Variants in RFX3 observed in about 807,000 individuals in gnomAD.
The protein encoded by RFX3 is transcription factor RFX3.
Under a neutral mutation model 98.6 loss-of-function variants are expected in RFX3, and 14 were observed. That is an observed-to-expected ratio of 0.14 (90% confidence interval 0.09 to 0.22). RFX3 has a LOEUF of 0.22. Ranked by LOEUF, RFX3 falls within the 10% of genes least tolerant of loss-of-function variation. The pLI is 1.00. For synonymous variants in RFX3, 383 were observed against 328.4 expected, an observed-to-expected ratio of 1.17 and a Z score of -1.80; for missense variants, 639 against 926.9, an observed-to-expected ratio of 0.69 and a Z score of 4.03.
At position 3,517,423 on chromosome 9, in the gene RFX3, C is replaced by A. The variant is rs550353171; in HGVS notation, c.-9+8324G>T. Among the ~76,000 whole-genome samples the A allele has an allele frequency of 1.8e-4, 28 of 152,318 alleles. No homozygotes were observed. In the South Asian group the frequency reaches 5.6e-3, roughly 30 times the overall value. ...CACTGTATCTGTCTCCTCTTACCAA[C>A]TAACACACTATTATTTTGAGGACAG... On this transcript the variant is annotated intron_variant, in intron 1 of 16. Transcript: ENST00000617270.
At chr9:3,327,697 T>C (rs1325413272) in intron 4 of RFX3, among the ~76,000 whole-genome samples, 1 of 152,122 alleles carries the variant, frequency 6.6e-6, no homozygotes, top group Non-Finnish European at 1.5e-5. Flanking sequence ...ATAAAATTAA[T>C]ATGTACAACT....
chr9:3,317,061 G>A (rs2130646659), intron 4 of RFX3, among the ~76,000 whole-genome samples: 1 of 152,214 alleles, frequency 6.6e-6, no homozygotes, highest in African/African-American at 2.4e-5. Flanking sequence ...GCATTGCCCA[G>A]ACAATCCTAA....
chr9:3,320,503 G>C (rs1474062848), intron 4 of RFX3, among the ~76,000 whole-genome samples: 1 of 150,206 alleles, frequency 6.7e-6, no homozygotes, highest in Admixed American at 6.6e-5. Context: ...AGTGAGCCGA[G>C]ATCAAACCAC....
chr9:3,252,544 G>C (rs1293358344), intron 14 of RFX3, among the ~76,000 whole-genome samples: 1 of 152,178 alleles, frequency 6.6e-6, no homozygotes, highest in African/African-American at 2.4e-5. Flanking sequence ...GAGAGCAAAT[G>C]AAAGAGCTTG....
chr9:3,463,091 T>C (rs1214194565), intron 1 of RFX3, among the ~76,000 whole-genome samples: 1 of 152,022 alleles, frequency 6.6e-6, no homozygotes, highest in Non-Finnish European at 1.5e-5. Flanking sequence ...CAAAACACTT[T>C]TGAAACACAA....
chr9:3,497,006 A>G (rs962895118), intron 1 of RFX3, among the ~76,000 whole-genome samples: 3 of 152,018 alleles, frequency 2.0e-5, no homozygotes, highest in African/African-American at 7.2e-5. Context: ...TCTACATTCA[A>G]GATTAGTTGC....
chr9:3,456,164 C>T (rs1847132679), intron 1 of RFX3, among the ~76,000 whole-genome samples: 1 of 152,160 alleles, frequency 6.6e-6, no homozygotes, highest in Admixed American at 6.5e-5. Flanking sequence ...ATGACCAATC[C>T]CATGCTCGAA....
At chr9:3,489,728 C>G (rs1027968909) in intron 1 of RFX3, among the ~76,000 whole-genome samples, 2 of 152,136 alleles carry the variant, frequency 1.3e-5, no homozygotes, top group African/African-American at 4.8e-5. Flanking sequence ...CCATACATCA[C>G]ACAGGGTCAC....
At chr9:3,231,288 G>C (rs1444194086) in intron 15 of RFX3, among the ~76,000 whole-genome samples, 3 of 152,122 alleles carry the variant, frequency 2.0e-5, no homozygotes, top group Non-Finnish European at 4.4e-5. Context: ...TAGAGCTGAA[G>C]GTAAAGGCTT....
intron 4 of RFX3, among the ~76,000 whole-genome samples, chr9:3,328,277 TTCTA>T (rs1417307471): frequency 6.6e-6 from 1 of 152,198 alleles, no homozygotes; most frequent in African/African-American, 2.4e-5. Flanking sequence ...TGCCACCATT[TTCTA>T]TCTCTTTTCT....
At chr9:3,401,302 T>C (rs1309655418) in intron 1 of RFX3, among the ~76,000 whole-genome samples, 2 of 152,228 alleles carry the variant, frequency 1.3e-5, no homozygotes, top group Admixed American at 6.5e-5. Context: ...TTAAGCCCAC[T>C]GACACATTCA....
intron 1 of RFX3, among the ~76,000 whole-genome samples, chr9:3,516,130 G>A (rs1405874805): frequency 6.6e-6 from 1 of 151,950 alleles, no homozygotes; most frequent in African/African-American, 2.4e-5. Flanking sequence ...CTCACTGCAA[G>A]CTCCACCTCC....
chr9:3,383,619 G>A (rs1170914034), intron 2 of RFX3, among the ~76,000 whole-genome samples: 3 of 151,966 alleles, frequency 2.0e-5, no homozygotes, highest in African/African-American at 7.2e-5. Flanking sequence ...GAGTTACTAC[G>A]CAGCCAGGAC....
chr9:3,419,431 A>G (rs929305402), intron 1 of RFX3, among the ~76,000 whole-genome samples: 1 of 152,178 alleles, frequency 6.6e-6, no homozygotes, highest in African/African-American at 2.4e-5. Flanking sequence ...AAAATACCAT[A>G]TTTTAATAAA....
At chr9:3,407,292 ATTAG>A in intron 1 of RFX3, among the ~76,000 whole-genome samples, 1 of 152,324 alleles carries the variant, frequency 6.6e-6, no homozygotes, top group East Asian at 1.9e-4. Flanking sequence ...CTAGTTACTA[ATTAG>A]TTAACACATT....
chr9:3,254,819 A>G (rs1441784547), intron 14 of RFX3, among the ~76,000 whole-genome samples: 1 of 152,198 alleles, frequency 6.6e-6, no homozygotes, highest in Non-Finnish European at 1.5e-5. Flanking sequence ...TGCTGTATCA[A>G]GGGAAAACTT....
At chr9:3,328,687 G>C (rs1322804112) in intron 4 of RFX3, among the ~76,000 whole-genome samples, 1 of 151,894 alleles carries the variant, frequency 6.6e-6, no homozygotes, top group Non-Finnish European at 1.5e-5. Flanking sequence ...AATAAATTAG[G>C]GAAAAGGCAC....
At chr9:3,420,275 G>T (rs1843332181) in intron 1 of RFX3, among the ~76,000 whole-genome samples, 1 of 152,062 alleles carries the variant, frequency 6.6e-6, no homozygotes, top group South Asian at 2.1e-4. Context: ...GTACTAACAG[G>T]ACATTCTACG....
At chr9:3,393,835 G>A (rs771433239) in intron 2 of RFX3, among the ~76,000 whole-genome samples, 22 of 152,158 alleles carry the variant, frequency 1.4e-4, no homozygotes, top group Non-Finnish European at 2.9e-4. Flanking sequence ...AAAGGAGAGA[G>A]GGTGGGAAGG....
Sources: gnomAD v4.1 joint callset for allele counts (sites outside exome capture counted in the v4.1 genomes callset) on GRCh38, gnomAD v4.1.1 for gene constraint, MANE v1.5 for transcripts, NCBI Gene and HGNC (gene_info 2026-07-23, HGNC 2026-07-21) for gene names.